Variants in POLD1 observed in about 807,000 individuals in gnomAD.
POLD1 encodes the protein DNA polymerase delta catalytic subunit.
POLD1 carries 79 observed loss-of-function variants against 129.7 expected under a neutral mutation model. The ratio of observed to expected loss-of-function variants is 0.61; its 90% CI spans 0.51 to 0.73. The LOEUF (loss-of-function observed/expected upper bound fraction) is 0.73. POLD1 is among the 30% of genes least tolerant of loss of function. The pLI is 0.00. For synonymous variants in POLD1, 714 were observed against 683.3 expected, an observed-to-expected ratio of 1.04 and a Z score of -0.70; for missense variants, 1,338 against 1,595.8, an observed-to-expected ratio of 0.84 and a Z score of 2.75.
Position 50,401,341 on chromosome 19 carries a change from A to T in POLD1, c.317-437A>T, listed in dbSNP as rs112564167. 4.4e-3 allele frequency among the ~76,000 whole-genome samples: 590 copies of T among 134,424 alleles called. 4 individuals carry two copies. The highest frequency in any genetic ancestry group is 7.1e-3 in the Non-Finnish European group (454 of 64,394). The allele number at this position is 134,424 out of a possible 152,430, so 88.2% of individuals were successfully genotyped here. ...ACAAATATATTTATTTGTACATATA[A>T]TATGTGTGTGTATTTGTGTATATGT... On this transcript the variant is annotated intron_variant, in intron 3 of 26. Transcript: ENST00000440232.
rs755890936 is a variant in POLD1 at position 50,396,644 on chromosome 19, A to AT, written c.-1-2200dup. ...AGGCGCCCACCACCATGCCCGGCTA[A>AT]TTTTTTTGTATTTTTTTAGTAGAGA... On this transcript the variant is annotated intron_variant, in intron 1 of 26. Transcript: ENST00000440232. Among the ~76,000 whole-genome samples the AT allele has an allele frequency of 1.0e-3, 154 of 150,724 alleles. 1 individual carries two copies. The Middle Eastern group carries it at 0.038, about 37-fold the overall frequency.
chr19:50,406,170 TCTC>T lies in POLD1; in HGVS notation c.1243-5_1243-3del, dbSNP rs760329559. On this transcript the variant is annotated splice_polypyrimidine_tract_variant and intron_variant, in intron 10 of 26. Transcript: ENST00000440232. The surrounding 1 kb of genome is among the most constrained non-coding windows in gnomAD (Gnocchi z 5.5). ...CCCGCAGCCTGCTGCACACCCTGCC[TCTC>T]CTCCTCAGGTACAAACATTCCCTTT... is the stretch of plus-strand genomic sequence containing the variant. 4.2e-5 allele frequency: 67 copies of T among 1,610,090 alleles called. No homozygotes were observed. Among genetic ancestry groups the T allele is most frequent in the Non-Finnish European group, 5.0e-5 (59 of 1,177,078 alleles).
intron 17 of POLD1, 98 bp from the exon 18 acceptor site, chr19:50,413,328 C>A: frequency 1.0e-6 from 1 of 969,006 alleles, no homozygotes; most frequent in Non-Finnish European, 1.6e-6. Flanking sequence ...AAGCCTATGC[C>A]ACTGGGAAAT....
chr19:50,389,894 TTTTTGTTTTTTG>T (rs1284560212), intron 1 of POLD1, among the ~76,000 whole-genome samples: 3 of 150,706 alleles, frequency 2.0e-5, no homozygotes, highest in South Asian at 2.1e-4. Flanking sequence ...CCTGTTTTTT[TTTTTGTTTTTTG>T]TTTTGTTTTT....
intron 1 of POLD1, among the ~76,000 whole-genome samples, chr19:50,391,637 G>A (rs1222979415): frequency 6.7e-6 from 1 of 149,708 alleles, no homozygotes; most frequent in Non-Finnish European, 1.5e-5. Flanking sequence ...CGTGAGCCGA[G>A]ATGGCGGCAG....
intron 1 of POLD1, among the ~76,000 whole-genome samples, chr19:50,395,576 TC>T (rs2038328646): frequency 1.4e-5 from 2 of 144,796 alleles, no homozygotes; most frequent in Non-Finnish European, 3.0e-5. Flanking sequence ...AGAGCGAGAC[TC>T]CGTCTCCAAA....
rs2038672044 is a variant in POLD1 at position 50,402,213 on chromosome 19, G to C, written c.598G>C (p.Gly200Arg). 6.3e-7 allele frequency: 1 copy of C among 1,583,708 alleles called. No individual in the cohort carries two copies. The highest frequency in any genetic ancestry group is 8.6e-7 in the Non-Finnish European group (1 of 1,163,812). Reference sequence around the variant, plus strand: ...GCTTCTTCCATCCACAGGCATGTTTGGGTACCACGGGCACGGCCCCTCCCC... The same window carrying C: ...GCTTCTTCCATCCACAGGCATGTTTCGGTACCACGGGCACGGCCCCTCCCC... ...VELCSRESMF[G>R]YHGHGPSPFL... The change falls in exon 6 of 27, where the codon GGG becomes CGG. Residue 200 changes from glycine (G) to arginine (R), a missense_variant. Around this residue, in one of 3 missense-constraint regions of POLD1, gnomAD observed 332 missense variants for 315.7 expected, o/e 1.05. Coordinates refer to ENST00000440232, the MANE Select transcript of POLD1 (RefSeq NM_002691.4).
At chr19:50,388,783 G>A (rs995516255) in intron 1 of POLD1, among the ~76,000 whole-genome samples, 2 of 147,390 alleles carry the variant, frequency 1.4e-5, no homozygotes, top group African/African-American at 5.1e-5. Flanking sequence ...GAAAGTTGTG[G>A]TCATCATGAT....
In POLD1 at chr19:50,406,840, C is replaced by A. The variant is rs2038903838; in HGVS notation, c.1495-143C>A. The A allele has an allele frequency of 7.3e-6, 5 of 680,680 alleles. No individual in the cohort carries two copies. Among genetic ancestry groups the A allele is most frequent in the Admixed American group, 5.5e-5 (2 of 36,510 alleles). 42.2% of individuals were successfully genotyped at this position (680,680 alleles called of 1,614,324 possible). A position where few individuals can be genotyped will look rare whatever the true frequency, so the allele number is the denominator to read the frequency against. On this transcript the variant is annotated intron_variant, in intron 12 of 26. Coordinates refer to ENST00000440232, the MANE Select transcript of POLD1 (RefSeq NM_002691.4). The surrounding 1 kb of genome is among the most constrained non-coding windows in gnomAD (Gnocchi z 5.5). ...AACCCTACCTCCATCCCCACCCAGA[C>A]CCTGACGACTTGGAGGGCCCTCCTG...
intron 17 of POLD1, among the ~76,000 whole-genome samples, chr19:50,410,486 TGGGG>T (rs1568632379): frequency 1.3e-5 from 2 of 152,146 alleles, no homozygotes; most frequent in Admixed American, 1.3e-4. Flanking sequence ...CCCGCAGTTC[TGGGG>T]GTCCCAAAGA....
intron 20 of POLD1, 148 bp downstream of exon 20, chr19:50,415,138 GC>G (rs1601242029): frequency 4.1e-6 from 3 of 738,386 alleles, no homozygotes; most frequent in East Asian, 2.9e-5. Context: ...CGGGGTCAGG[GC>G]CCCCAGCCCC....
Position 50,406,140 on chromosome 19 carries a change from G to A in POLD1, c.1243-42G>A, listed in dbSNP as rs200882132. On this transcript the variant is annotated intron_variant, in intron 10 of 26. Transcript: ENST00000440232. This position sits in a 1 kb window ranked among gnomAD's most constrained non-coding sequence, Gnocchi z 5.5. ...TCTCCGTTCTTCAGGCTTATGTGAC[G>A]GGGACCCGCAGCCTGCTGCACACCC... 1.3e-5 allele frequency: 20 copies of A among 1,595,124 alleles called. No homozygotes were observed. The highest frequency in any genetic ancestry group is 2.7e-5 in the African/African-American group (2 of 74,736).
chr19:50,406,888 C>A lies in POLD1; in HGVS notation c.1495-95C>A. The A allele has an allele frequency of 9.4e-7, 1 of 1,068,020 alleles. No homozygotes were observed. Among genetic ancestry groups the A allele is most frequent in the Non-Finnish European group, 1.4e-6 (1 of 738,774 alleles). 66.2% of individuals were successfully genotyped at this position (1,068,020 alleles called of 1,614,324 possible). A position where few individuals can be genotyped will look rare whatever the true frequency, so the allele number is the denominator to read the frequency against. ...CTGCCCGCCTCACCTCCCAGGCCCT[C>A]CCCAGGCTACCTCACCCTGACCCCC... is the stretch of plus-strand genomic sequence containing the variant. On this transcript the variant is annotated intron_variant, in intron 12 of 26. Transcript: ENST00000440232. This position sits in a 1 kb window ranked among gnomAD's most constrained non-coding sequence, Gnocchi z 5.5.
rs562312031 is a variant in POLD1, at chr19:50,403,536, C to T, written c.1181C>T (p.Thr394Ile). The T allele has an allele frequency of 1.2e-6, 2 of 1,614,132 alleles. No individual in the cohort carries two copies. The highest frequency in any genetic ancestry group is 2.7e-5 in the African/African-American group (2 of 75,050). ...FIRIMDPDVI[T>I]GYNIQNFDLP... ...CGTATCATGGACCCCGACGTGATCACCGGTTACAACATCCAGAACTTCGAC... is the reference window on the plus strand; with the variant it reads ...CGTATCATGGACCCCGACGTGATCATCGGTTACAACATCCAGAACTTCGAC... The change falls in exon 10 of 27, where the codon ACC becomes ATC. Residue 394 changes from threonine (T) to isoleucine (I), a missense_variant. Transcript: ENST00000440232.
At chr19:50,415,881 T>A in intron 22 of POLD1, 55 bp downstream of exon 22, 1 of 1,278,010 alleles carries the variant, frequency 7.8e-7, no homozygotes. Context: ...TCACTTCTGC[T>A]TTCCGAGATG....
Position 50,408,027 on chromosome 19 carries a change from C to T in POLD1, c.1775+612C>T, listed in dbSNP as rs527261635. On this transcript the variant is annotated intron_variant, in intron 14 of 26. Transcript: ENST00000440232. ...CTCCAGCCTGGGCGACAGAGCAACA[C>T]CCCGGCCCTAAAATAAATTAATAGG... is the stretch of plus-strand genomic sequence containing the variant. Among the ~76,000 whole-genome samples, 64 of 151,418 alleles carry T rather than the reference C, an allele frequency of 4.2e-4. 1 individual carries two copies. Among genetic ancestry groups the T allele is most frequent in the Admixed American group, 3.4e-3 (52 of 15,194 alleles).
intron 1 of POLD1, among the ~76,000 whole-genome samples, chr19:50,394,385 C>T (rs1330260261): frequency 6.6e-6 from 1 of 152,170 alleles, no homozygotes; most frequent in African/African-American, 2.4e-5. Context: ...GGCGCGGTGG[C>T]TCACACCCAT....
chr19:50,396,644 AT>A (rs755890936), intron 1 of POLD1, among the ~76,000 whole-genome samples: 2 of 150,602 alleles, frequency 1.3e-5, no homozygotes, highest in African/African-American at 4.9e-5. Flanking sequence ...TGCCCGGCTA[AT>A]TTTTTTGTAT....
Position 50,392,225 on chromosome 19 carries a change from C to T in POLD1, c.-1-6626C>T, listed in dbSNP as rs181531785. Among the ~76,000 whole-genome samples the T allele has an allele frequency of 1.0e-3, 153 of 152,156 alleles. 3 individuals are homozygous for T. Among genetic ancestry groups the T allele is most frequent in the African/African-American group, 3.3e-3 (137 of 41,502 alleles). ...AGCTGGGACTGTAGGTATGCACCAC[C>T]ATGCTTAAGTAATTTTTAATTTTTT... On this transcript the variant is annotated intron_variant, in intron 1 of 26. Transcript: ENST00000440232.
Sources: gnomAD v4.1 joint callset for allele counts (sites outside exome capture counted in the v4.1 genomes callset) on GRCh38, gnomAD v4.1.1 for gene constraint, gnomAD v4.1.1 regional missense constraint, Gnocchi (gnomAD v3.1) non-coding constraint, MANE v1.5 for transcripts, NCBI Gene and HGNC (gene_info 2026-07-23, HGNC 2026-07-21) for gene names.